Variants in PRKDC observed in about 807,000 individuals in gnomAD.
PRKDC encodes the protein DNA-dependent protein kinase catalytic subunit.
In PRKDC, 82 loss-of-function variants were observed where a neutral mutation model predicts 486.9. That is an observed-to-expected ratio of 0.17 (90% CI 0.14 to 0.20). The LOEUF is 0.20. Among genes scored for constraint, PRKDC ranks in the 10% least tolerant of loss-of-function variants. PRKDC has a pLI of 1.00. For missense variants in PRKDC, 4,504 were observed against 5,038.2 expected, an observed-to-expected ratio of 0.89 and a Z score of 3.21; for synonymous variants, 1,895 against 1,837.0, an observed-to-expected ratio of 1.03 and a Z score of -0.81.
chr8:47,943,923 G>A (rs1269967564), intron 8 of PRKDC, 40 bp from the exon 9 acceptor site: 1 of 1,567,850 alleles, frequency 6.4e-7, no homozygotes, highest in East Asian at 2.3e-5. Context: ...GTATTTGAAA[G>A]TCTGCACTGT....
chr8:47,945,485 G>A (rs1306062378), intron 7 of PRKDC, among the ~76,000 whole-genome samples: 2 of 152,114 alleles, frequency 1.3e-5, no homozygotes, highest in Admixed American at 6.5e-5. Context: ...TACCTCGTGT[G>A]AGTGAAACCA....
chr8:47,902,299 C>T (rs189150989), intron 27 of PRKDC, among the ~76,000 whole-genome samples: 18 of 152,348 alleles, frequency 1.2e-4, no homozygotes, highest in African/African-American at 4.3e-4. Flanking sequence ...GCTACTCCTC[C>T]TCTGTGCACC....
intron 64 of PRKDC, among the ~76,000 whole-genome samples, chr8:47,823,192 C>T (rs903906120): frequency 6.6e-6 from 1 of 151,846 alleles, no homozygotes; most frequent in Non-Finnish European, 1.5e-5. Flanking sequence ...AAAAATTAGC[C>T]AGGCATGTTG....
At chr8:47,797,060 T>A (rs1037991332) in intron 73 of PRKDC, among the ~76,000 whole-genome samples, 8 of 152,174 alleles carry the variant, frequency 5.3e-5, no homozygotes, top group Non-Finnish European at 1.0e-4. Context: ...TAAAACCTGA[T>A]GTGTCTGCAA....
chr8:47,794,433 G>T lies in PRKDC; in HGVS notation c.10527C>A (p.Asp3509Glu), dbSNP rs777355548. The T allele has an allele frequency of 2.5e-6, 4 of 1,613,838 alleles. No homozygotes were observed. The highest frequency in any genetic ancestry group is 2.5e-6 in the Non-Finnish European group (3 of 1,179,724). ...CAGAGTGCTGAACAGCAACGGCTTG[G>T]TCTTTGTCCAGTAAGGCCACCATGT... ...ISHMVALLDK[D>E]QAVAVQHSVE... Residue 3509 changes from aspartate (D) to glutamate (E), a missense_variant, in exon 74 of 86, where the codon GAC (aspartate) becomes GAA (glutamate). Transcript: ENST00000314191.
intron 1 of PRKDC, 132 bp from the exon 2 acceptor site, chr8:47,957,563 T>A (rs571246835): frequency 2.8e-6 from 2 of 718,822 alleles, no homozygotes; most frequent in Admixed American, 5.5e-5. Context: ...CAGGCTGGAG[T>A]GCAGCGGCGC....
At position 47,881,850 on chromosome 8, in the gene PRKDC, A is replaced by G; in HGVS notation, c.4962+62T>C. 3 of 1,382,412 alleles carry G rather than the reference A, an allele frequency of 2.2e-6. No individual in the cohort carries two copies. In the East Asian group the frequency reaches 7.4e-5, roughly 34 times the overall value. The allele number at this position is 1,382,412 out of a possible 1,614,324, so 85.6% of individuals were successfully genotyped here. ...TTTGGAGCAACCTCCATCAAATTTT[A>G]AAGACACAAGTTACAGAGTTCAGAA... On this transcript the variant is annotated intron_variant, in intron 37 of 85. Transcript: ENST00000314191.
Position 47,817,545 on chromosome 8 carries a change from T to C in PRKDC, c.9462A>G (p.Gln3154=), listed in dbSNP as rs772348033. The C allele has an allele frequency of 8.6e-5, 137 of 1,599,910 alleles. No individual in the cohort carries two copies. Among genetic ancestry groups the C allele is most frequent in the Middle Eastern group, 1.6e-4 (1 of 6,062 alleles). ...TGTTCAGAAGTCTCTTAAGGGGAACTTGAGATGATAAATTGCCTAAAAATA... is the reference window on the plus strand; with the variant it reads ...TGTTCAGAAGTCTCTTAAGGGGAACCTGAGATGATAAATTGCCTAAAAATA... ...FISKQGNLSS[Q]VPLKRLLNTW... The change falls in exon 68 of 86, where the codon CAA becomes CAG. Residue 3154 remains glutamine, a synonymous_variant. Transcript: ENST00000314191.
chr8:47,942,920 C>T (rs2090469760), intron 10 of PRKDC, among the ~76,000 whole-genome samples: 1 of 152,254 alleles, frequency 6.6e-6, no homozygotes, highest in Non-Finnish European at 1.5e-5. Context: ...CCTCCACCCA[C>T]TCTCCAGCCC....
intron 67 of PRKDC, among the ~76,000 whole-genome samples, chr8:47,817,930 T>C (rs897590815): frequency 2.6e-5 from 4 of 152,244 alleles, no homozygotes; most frequent in African/African-American, 9.6e-5. Flanking sequence ...ATAGGGCTAC[T>C]TAGTCTTTGT....
chr8:47,831,922 C>A lies in PRKDC; in HGVS notation c.8157G>T (p.Ala2719=). ...GTCGTAGTAGGTCCGTCCGGCCGGC[C>A]GCACCTGGAGAGGGAAAGCAGGCCC... The part of the protein sequence containing the change: ...GDEVDNKVKG[A]AGRTDLLRLR... Residue 2719 remains alanine (A), a synonymous_variant, in exon 60 of 86, where the codon GCG becomes GCT. Coordinates refer to ENST00000314191, the MANE Select transcript of PRKDC (RefSeq NM_006904.7). The A allele has an allele frequency of 1.2e-6, 2 of 1,611,800 alleles. No individual in the cohort carries two copies. The highest frequency in any genetic ancestry group is 1.7e-6 in the Non-Finnish European group (2 of 1,178,168).
At chr8:47,897,336 T>C (rs770655705) in intron 29 of PRKDC, 42 bp from the exon 30 acceptor site, 47 of 1,496,812 alleles carry the variant, frequency 3.1e-5, no homozygotes, top group Non-Finnish European at 4.0e-5. Flanking sequence ...CTCTCCAACA[T>C]GCAACATTCA....
In PRKDC at chr8:47,854,077, A is replaced by G; in HGVS notation, c.6893+6T>C. ...TGACCTAAAAAATAATCAAGCAAAC[A>G]CGTACTCGCTACTCTGGATGCCACA... On this transcript the variant is annotated splice_donor_region_variant and intron_variant, in intron 51 of 85. Coordinates refer to ENST00000314191, the MANE Select transcript of PRKDC (RefSeq NM_006904.7). 1 of 1,613,514 alleles carries G rather than the reference A, an allele frequency of 6.2e-7. No homozygotes were observed. The highest frequency in any genetic ancestry group is 8.5e-7 in the Non-Finnish European group (1 of 1,179,716).
Position 47,782,064 on chromosome 8 carries a change from G to C in PRKDC, c.11489+98C>G, listed in dbSNP as rs985317436. ...CAGCCAGCAGACTGCGGGGCAGGCA[G>C]TGTGGGCTCTCGAGCGCGCCTGTCA... On this transcript the variant is annotated intron_variant, in intron 80 of 85. Transcript: ENST00000314191. The surrounding 1 kb of genome is among the most constrained non-coding windows in gnomAD (Gnocchi z 4.9). 1.9e-6 allele frequency: 2 copies of C among 1,032,168 alleles called. No individual in the cohort carries two copies. Among genetic ancestry groups the C allele is most frequent in the Admixed American group, 4.1e-5 (2 of 49,350 alleles). 63.9% of individuals were successfully genotyped at this position (1,032,168 alleles called of 1,614,324 possible). A position where few individuals can be genotyped will look rare whatever the true frequency, so the allele number is the denominator to read the frequency against.
At chr8:47,928,408 C>T (rs577730295) in intron 19 of PRKDC, among the ~76,000 whole-genome samples, 1 of 152,228 alleles carries the variant, frequency 6.6e-6, no homozygotes, top group Non-Finnish European at 1.5e-5. Flanking sequence ...CCACCTTGGC[C>T]TCCCAAAGTG....
At position 47,795,803 on chromosome 8, in the gene PRKDC, G is replaced by A. The variant is rs570078950; in HGVS notation, c.10459-1302C>T. 6.0e-5 allele frequency among the ~76,000 whole-genome samples: 9 copies of A among 150,434 alleles called. No homozygotes were observed. In the South Asian group the frequency reaches 8.5e-4, roughly 14 times the overall value. On this transcript the variant is annotated intron_variant, in intron 73 of 85. Coordinates refer to ENST00000314191, the MANE Select transcript of PRKDC (RefSeq NM_006904.7). ...CCACCGCGCCTGGTCCCCTGTACAC[G>A]TAACTCTTTGTGCTATATACCTGTA...
chr8:47,791,425 AGAT>A (rs1490621929), intron 74 of PRKDC, among the ~76,000 whole-genome samples: 1 of 152,196 alleles, frequency 6.6e-6, no homozygotes, highest in Non-Finnish European at 1.5e-5. Context: ...CAGTGAGCAG[AGAT>A]TGCGCCACTG....
intron 25 of PRKDC, among the ~76,000 whole-genome samples, chr8:47,910,652 T>C (rs1188256933): frequency 1.3e-5 from 2 of 152,226 alleles, no homozygotes; most frequent in African/African-American, 4.8e-5. Context: ...CTTCAGATTA[T>C]TCTTTTAAGT....
chr8:47,862,188 T>A, intron 43 of PRKDC, 61 bp from the exon 44 acceptor site: 1 of 1,458,744 alleles, frequency 6.9e-7, no homozygotes, highest in Non-Finnish European at 9.3e-7. Context: ...TAATCGATGT[T>A]ACTTTAGAAT....
Sources: allele counts gnomAD v4.1 joint callset (sites outside exome capture counted in the v4.1 genomes callset), GRCh38; gene constraint gnomAD v4.1.1; non-coding constraint Gnocchi (gnomAD v3.1); transcripts MANE v1.5; gene names NCBI Gene and HGNC (gene_info 2026-07-23, HGNC 2026-07-21).